Variants in HK1 observed in about 807,000 individuals in gnomAD.
The protein encoded by HK1 is hexokinase 1.
Under a neutral mutation model 91.6 loss-of-function variants are expected in HK1, and 28 were observed. That is an observed-to-expected ratio of 0.31 (90% CI 0.23 to 0.42). The LOEUF (loss-of-function observed/expected upper bound fraction) is 0.42. Among genes scored for constraint, HK1 ranks in the 10% least tolerant of loss-of-function variants. The pLI is 1.00. For synonymous variants in HK1, 430 were observed against 468.1 expected (o/e 0.92, Z 1.05); for missense variants, 770 against 1,219.8 (o/e 0.63, Z 5.49).
chr10:69,270,429 A>G (rs1404584784), intron 1 of HK1, among the ~76,000 whole-genome samples: 1 of 151,952 alleles, frequency 6.6e-6, no homozygotes, highest in East Asian at 1.9e-4. Flanking sequence ...AAAAATACAA[A>G]AAAATTAGCT....
At chr10:69,370,956 C>T (rs1849968069) in intron 7 of HK1, among the ~76,000 whole-genome samples, 1 of 152,158 alleles carries the variant, frequency 6.6e-6, no homozygotes, top group South Asian at 2.1e-4. Context: ...AGCCTTATCC[C>T]AGAGTTGGAT....
chr10:69,295,053 C>CAA lies in HK1; in HGVS notation c.-114-565_-114-564dup, dbSNP rs1190644487. ...AGAGAGAGAAAGAGAGACCCTGTCT[C>CAA]AAAAAAAAAAAAAAAATAGCGAGGG... On this transcript the variant is annotated intron_variant, in intron 3 of 21. Coordinates refer to the HK1 transcript ENST00000360289. Among the ~76,000 whole-genome samples the CAA allele has an allele frequency of 1.9e-3, 218 of 117,134 alleles. 2 individuals carry two copies. Among genetic ancestry groups the CAA allele is most frequent in the African/African-American group, 6.4e-3 (206 of 31,966 alleles). The allele number at this position is 117,134 out of a possible 152,430, so 76.8% of individuals were successfully genotyped here.
rs188993330 is a variant in HK1, at chr10:69,297,893, C to A, written c.-67+2213C>A. Among the ~76,000 whole-genome samples, 823 of 124,302 alleles carry A rather than the reference C, an allele frequency of 6.6e-3. 23 individuals carry two copies. The highest frequency in any genetic ancestry group is 0.065 in the Admixed American group (751 of 11,640). The allele number at this position is 124,302 out of a possible 152,430, so 81.5% of individuals were successfully genotyped here. Reference sequence around the variant, plus strand: ...CTTGGGCCACAGAGTGAAACTCTGTCTCAAAAAAAAAAAAAGAAAAAAAAG... The same window carrying A: ...CTTGGGCCACAGAGTGAAACTCTGTATCAAAAAAAAAAAAAGAAAAAAAAG... On this transcript the variant is annotated intron_variant, in intron 4 of 21. Coordinates refer to the HK1 transcript ENST00000360289.
chr10:69,361,859 C>T (rs1702305397), intron 3 of HK1, among the ~76,000 whole-genome samples: 1 of 151,904 alleles, frequency 6.6e-6, no homozygotes, highest in African/African-American at 2.4e-5. Context: ...CTCTTGTTGC[C>T]CAGGCTGGAG....
chr10:69,318,958 C>G lies in HK1; in HGVS notation c.11C>G (p.Ala4Gly). The change falls in exon 1 of 18, where the codon GCG becomes GGG. Residue 4 changes from alanine to glycine, a missense_variant. Ala to Gly is a moderately conservative substitution (Grantham distance 60). Transcript: ENST00000359426. Reference sequence around the variant, plus strand: ...ACCCCGACCGCCAGCATGATCGCCGCGCAGCTCCTGGCCTATTACTTCACG... The same window carrying G: ...ACCCCGACCGCCAGCATGATCGCCGGGCAGCTCCTGGCCTATTACTTCACG... MIA[A>G]QLLAYYFTEL... 1 of 1,598,444 alleles carries G rather than the reference C, an allele frequency of 6.3e-7. No homozygotes were observed. The highest frequency in any genetic ancestry group is 8.5e-7 in the Non-Finnish European group (1 of 1,173,642).
intron 5 of HK1, among the ~76,000 whole-genome samples, chr10:69,308,794 G>C (rs565631695): frequency 6.6e-6 from 1 of 152,198 alleles, no homozygotes; most frequent in Non-Finnish European, 1.5e-5. Context: ...CATAAAAAGT[G>C]CACAATCCAG....
chr10:69,340,999 C>T (rs559726532), intron 1 of HK1, among the ~76,000 whole-genome samples: 24 of 152,112 alleles, frequency 1.6e-4, no homozygotes, highest in Non-Finnish European at 3.2e-4. Flanking sequence ...CCTTCTCTCC[C>T]ATGCTTGCAA....
chr10:69,391,129 G>T (rs117548401), intron 14 of HK1, among the ~76,000 whole-genome samples: 1 of 152,228 alleles, frequency 6.6e-6, no homozygotes, highest in Non-Finnish European at 1.5e-5. Flanking sequence ...GGTTGCATGT[G>T]TGCGGTGTGT....
intron 14 of HK1, among the ~76,000 whole-genome samples, chr10:69,391,160 G>T (rs1357117569): frequency 2.0e-5 from 3 of 152,218 alleles, no homozygotes; most frequent in Non-Finnish European, 2.9e-5. Context: ...AGAGAAAGGT[G>T]CCTTTTTCAC....
rs146001488 is a variant in HK1 at position 69,321,139 on chromosome 10, T to C, written c.63+2129T>C. Among the ~76,000 whole-genome samples the C allele has an allele frequency of 2.2e-3, 336 of 152,326 alleles. 1 individual carries two copies. Among genetic ancestry groups the C allele is most frequent in the Middle Eastern group, 0.014 (4 of 294 alleles). ...CACGGACTTCCTATGCTGCTTTCTA[T>C]AGGGGAGTACGTGGATTCCTGCCAG... On this transcript the variant is annotated intron_variant, in intron 1 of 17. Transcript: ENST00000359426.
chr10:69,382,924 T>C lies in HK1; in HGVS notation c.1570+133T>C, dbSNP rs1839465331. 76 of 791,948 alleles carry C rather than the reference T, an allele frequency of 9.6e-5. 1 individual carries two copies. In the South Asian group the frequency reaches 1.2e-3, roughly 13 times the overall value. The allele number at this position is 791,948 out of a possible 1,614,324, so 49.1% of individuals were successfully genotyped here. ...GATTTTGCCAGAGCTAGAAACTCCC[T>C]CACATCTCTGTTTTCCATTTTTATT... On this transcript the variant is annotated intron_variant, in intron 10 of 17. Transcript: ENST00000359426.
intron 1 of HK1, among the ~76,000 whole-genome samples, chr10:69,271,397 T>C (rs1589423271): frequency 6.6e-6 from 1 of 152,048 alleles, no homozygotes; most frequent in South Asian, 2.1e-4. Flanking sequence ...AGTGGCACCA[T>C]GGTAATACAT....
In HK1 at chr10:69,321,496, C is replaced by A. The variant is rs184942927; in HGVS notation, c.63+2486C>A. ...AGGGACCTGCTGAGGATGGTTCCCC[C>A]CCAGCGTGGGCAGCCATGATGATTC... On this transcript the variant is annotated intron_variant, in intron 1 of 17. Transcript: ENST00000359426. Among the ~76,000 whole-genome samples, 357 of 152,320 alleles carry A rather than the reference C, an allele frequency of 2.3e-3. 2 individuals carry two copies. The highest frequency in any genetic ancestry group is 0.012 in the South Asian group (58 of 4,824).
At chr10:69,343,704 A>T in intron 1 of HK1, 123 bp from the exon 2 acceptor site, 2 of 790,874 alleles carry the variant, frequency 2.5e-6, no homozygotes, top group South Asian at 1.3e-5. Flanking sequence ...ACCTTCCGCC[A>T]TGCGATGTGC....
At chr10:69,370,254 C>T (rs1024566380) in intron 7 of HK1, among the ~76,000 whole-genome samples, 1 of 151,684 alleles carries the variant, frequency 6.6e-6, no homozygotes, top group African/African-American at 2.4e-5. Context: ...GGAATGCGGC[C>T]AGAGTTGAGC....
chr10:69,339,170 C>T (rs1009064892), intron 1 of HK1, among the ~76,000 whole-genome samples: 2 of 152,172 alleles, frequency 1.3e-5, no homozygotes, highest in African/African-American at 4.8e-5. Flanking sequence ...TGCTTTTCTC[C>T]AGTGCCTCCG....
intron 2 of HK1, among the ~76,000 whole-genome samples, chr10:69,284,554 G>C (rs12259682): frequency 0.036 from 5,423 of 152,180 alleles, 312 homozygotes; most frequent in African/African-American, 0.12. Flanking sequence ...TGGCTCACTC[G>C]TGTAATCCCA....
In HK1 at chr10:69,369,233, C is replaced by G. The variant is rs1849870090; in HGVS notation, c.592-4C>G. On this transcript the variant is annotated splice_polypyrimidine_tract_variant and splice_region_variant and intron_variant, in intron 5 of 17. Coordinates refer to ENST00000359426, the MANE Select transcript of HK1 (RefSeq NM_000188.3). This position sits in a 1 kb window ranked among gnomAD's most constrained non-coding sequence, Gnocchi z 4.4. ...GACAATGACACCCCGTTATCTGTCCCCAGGACTATGATGCCAACATCGTAG... is the reference window on the plus strand; with the variant it reads ...GACAATGACACCCCGTTATCTGTCCGCAGGACTATGATGCCAACATCGTAG... The G allele has an allele frequency of 3.7e-6, 6 of 1,611,130 alleles. No individual in the cohort carries two copies. The highest frequency in any genetic ancestry group is 5.1e-6 in the Non-Finnish European group (6 of 1,177,380).
At chr10:69,301,128 C>T (rs2132499272) in intron 5 of HK1, among the ~76,000 whole-genome samples, 1 of 151,758 alleles carries the variant, frequency 6.6e-6, no homozygotes, top group African/African-American at 2.4e-5. Context: ...TGCCTGTAAT[C>T]CCAGCTACTC....
Sources: gnomAD v4.1 joint callset for allele counts (sites outside exome capture counted in the v4.1 genomes callset) on GRCh38, gnomAD v4.1.1 for gene constraint, Gnocchi (gnomAD v3.1) non-coding constraint, MANE v1.5 for transcripts, NCBI Gene and HGNC (gene_info 2026-07-23, HGNC 2026-07-21) for gene names.